Variants in IGF2BP2 observed in about 807,000 individuals in gnomAD.
IGF2BP2 encodes insulin like growth factor 2 mRNA binding protein 2.
In IGF2BP2, 17 loss-of-function variants were observed where a neutral mutation model predicts 75.8. That is an observed-to-expected ratio of 0.22 (90% CI 0.15 to 0.34). The LOEUF (loss-of-function observed/expected upper bound fraction) is 0.34. IGF2BP2 is among the 10% of genes least tolerant of loss of function. IGF2BP2 has a pLI of 1.00. For synonymous variants in IGF2BP2, 288 were observed against 295.6 expected, an observed-to-expected ratio of 0.97 and a Z score of 0.26; for missense variants, 516 against 772.4, an observed-to-expected ratio of 0.67 and a Z score of 3.93.
intron 2 of IGF2BP2, among the ~76,000 whole-genome samples, chr3:185,749,082 T>G (rs963907841): frequency 7.2e-5 from 11 of 152,032 alleles, no homozygotes; most frequent in Admixed American, 7.2e-4. Flanking sequence ...GAGAATTGCT[T>G]GAACCTGGGA....
At chr3:185,786,642 T>G (rs1182059591) in intron 2 of IGF2BP2, among the ~76,000 whole-genome samples, 2 of 152,258 alleles carry the variant, frequency 1.3e-5, no homozygotes, top group Admixed American at 1.3e-4. Context: ...CTGACTCTCT[T>G]TTCGGACTCA....
intron 5 of IGF2BP2, among the ~76,000 whole-genome samples, chr3:185,690,190 C>G (rs1463213874): frequency 6.6e-6 from 1 of 152,162 alleles, no homozygotes; most frequent in African/African-American, 2.4e-5. Flanking sequence ...GTTTCTCCAC[C>G]ACTCAAGGCC....
chr3:185,745,473 A>AC (rs1293868529), intron 2 of IGF2BP2, among the ~76,000 whole-genome samples: 1 of 152,190 alleles, frequency 6.6e-6, no homozygotes, highest in Non-Finnish European at 1.5e-5. Context: ...ACTGGCTGAC[A>AC]CAGAGCAAGG....
At chr3:185,696,550 A>G in intron 4 of IGF2BP2, 62 bp downstream of exon 4, 1 of 1,400,258 alleles carries the variant, frequency 7.1e-7, no homozygotes, top group Non-Finnish European at 1.0e-6. Context: ...AGTTGACCTA[A>G]CCTATAAGAA....
intron 2 of IGF2BP2, among the ~76,000 whole-genome samples, chr3:185,818,671 T>C (rs1740919030): frequency 6.6e-6 from 1 of 152,212 alleles, no homozygotes; most frequent in Non-Finnish European, 1.5e-5. Flanking sequence ...ATTGCTCATC[T>C]ACTTTTGAGG....
At chr3:185,671,012 G>T (rs536652621) in intron 10 of IGF2BP2, among the ~76,000 whole-genome samples, 2 of 152,338 alleles carry the variant, frequency 1.3e-5, no homozygotes, top group South Asian at 2.1e-4. Context: ...AAGAAATGAT[G>T]ATGTGCCTCA....
chr3:185,677,094 G>GAGAGAGAA (rs1553855845), intron 7 of IGF2BP2, among the ~76,000 whole-genome samples: 1 of 133,990 alleles, frequency 7.5e-6, no homozygotes, highest in African/African-American at 2.8e-5. Flanking sequence ...GAGAGAGAGA[G>GAGAGAGAA]AGAGAGAGAG....
At chr3:185,717,636 A>G (rs1725846701) in intron 2 of IGF2BP2, 1 of 152,276 alleles carries the variant, frequency 6.6e-6, no homozygotes, top group East Asian at 1.9e-4. Context: ...TCCAAGAGAA[A>G]GACTGTGAAA....
intron 2 of IGF2BP2, among the ~76,000 whole-genome samples, chr3:185,820,116 A>G (rs1296692229): frequency 6.6e-6 from 1 of 151,946 alleles, no homozygotes; most frequent in African/African-American, 2.4e-5. Context: ...TGCATTTTTC[A>G]AAGTTTTGTT....
At chr3:185,677,678 A>C (rs1560277677) in intron 7 of IGF2BP2, among the ~76,000 whole-genome samples, 1 of 152,246 alleles carries the variant, frequency 6.6e-6, no homozygotes, top group East Asian at 1.9e-4. Context: ...AAAGATGCTC[A>C]ATGAACTAAA....
chr3:185,665,608 AAGGAGG>A lies in IGF2BP2; in HGVS notation c.1200+6927_1200+6932del, dbSNP rs61547511. 5.6e-5 allele frequency among the ~76,000 whole-genome samples: 8 copies of A among 143,284 alleles called. No homozygotes were observed. In the South Asian group the frequency reaches 7.0e-4, roughly 13 times the overall value. 94.0% of individuals were successfully genotyped at this position (143,284 alleles called of 152,430 possible). A position where few individuals can be genotyped will look rare whatever the true frequency, so the allele number is the denominator to read the frequency against. ...AAGGAAGAAGAAGAAAAGGAAGAAG[AAGGAGG>A]AGGAGGAGGAGGATATCTACAAAAG... On this transcript the variant is annotated intron_variant, in intron 10 of 15. Coordinates refer to ENST00000382199, the MANE Select transcript of IGF2BP2 (RefSeq NM_006548.6).
At chr3:185,687,980 A>G (rs750330058) in intron 6 of IGF2BP2, among the ~76,000 whole-genome samples, 21 of 152,178 alleles carry the variant, frequency 1.4e-4, no homozygotes, top group Non-Finnish European at 2.6e-4. Flanking sequence ...AGACACAAAT[A>G]AAAGTCACTT....
At chr3:185,807,060 A>T (rs529295995) in intron 2 of IGF2BP2, among the ~76,000 whole-genome samples, 1 of 152,324 alleles carries the variant, frequency 6.6e-6, no homozygotes, top group South Asian at 2.1e-4. Flanking sequence ...GACCTCACCC[A>T]GATACAAAAA....
At chr3:185,812,604 T>TAC (rs1740049171) in intron 2 of IGF2BP2, among the ~76,000 whole-genome samples, 1 of 152,186 alleles carries the variant, frequency 6.6e-6, no homozygotes, top group African/African-American at 2.4e-5. Flanking sequence ...GACTCAGAAT[T>TAC]ACACACTTTA....
intron 2 of IGF2BP2, among the ~76,000 whole-genome samples, chr3:185,721,738 A>C (rs1374305473): frequency 6.6e-6 from 1 of 151,342 alleles, no homozygotes; most frequent in Non-Finnish European, 1.5e-5. Flanking sequence ...CACCTCCCTC[A>C]CTCTCATCTG....
At chr3:185,681,284 ACAC>A (rs1398069003) in intron 7 of IGF2BP2, among the ~76,000 whole-genome samples, 1 of 152,240 alleles carries the variant, frequency 6.6e-6, no homozygotes, top group Non-Finnish European at 1.5e-5. Context: ...ACATTTCTAT[ACAC>A]AACAATAAAC....
intron 2 of IGF2BP2, among the ~76,000 whole-genome samples, chr3:185,811,828 G>GTCTCTCTCTCTCTCTCTCTCTC (rs1458609762): frequency 8.3e-6 from 1 of 120,170 alleles, no homozygotes; most frequent in Non-Finnish European, 1.9e-5. Flanking sequence ...TCAGAGTAGG[G>GTCTCTCTCTCTCTCTCTCTCTC]TGTCTCTCTC....
rs947019488 is a variant in IGF2BP2, at chr3:185,818,927, T to C, written c.239+4226A>G. Among the ~76,000 whole-genome samples, 8 of 152,278 alleles carry C rather than the reference T, an allele frequency of 5.3e-5. 1 individual carries two copies. In the South Asian group the frequency reaches 6.2e-4, roughly 12 times the overall value. ...TTAAAAAAACACAAAAACCATGTGT[T>C]TACTCAAAATAATTGTGAAATGATA... is the stretch of plus-strand genomic sequence containing the variant. On this transcript the variant is annotated intron_variant, in intron 2 of 15. Transcript: ENST00000382199.
chr3:185,688,241 G>T (rs1432313544), intron 6 of IGF2BP2, among the ~76,000 whole-genome samples: 1 of 152,152 alleles, frequency 6.6e-6, no homozygotes, highest in Non-Finnish European at 1.5e-5. Context: ...GTCAGTAATT[G>T]GGTGCTTTGC....
Sources: allele counts gnomAD v4.1 joint callset (sites outside exome capture counted in the v4.1 genomes callset), GRCh38; gene constraint gnomAD v4.1.1; transcripts MANE v1.5; gene names NCBI Gene and HGNC (gene_info 2026-07-23, HGNC 2026-07-21).